Variants in SLC45A2 observed in about 807,000 individuals in gnomAD.
SLC45A2 encodes membrane-associated transporter protein.
In SLC45A2, 36 loss-of-function variants were observed where a neutral mutation model predicts 45.5. The ratio of observed to expected loss-of-function variants is 0.79; its 90% confidence interval spans 0.61 to 1.04. The LOEUF (loss-of-function observed/expected upper bound fraction) is 1.04. Ranked by LOEUF, SLC45A2 falls within the 50% of genes least tolerant of loss-of-function variation. The pLI is 0.00. For missense variants in SLC45A2, 719 were observed against 671.0 expected, an observed-to-expected ratio of 1.07 and a Z score of -0.79; for synonymous variants, 306 against 269.3, an observed-to-expected ratio of 1.14 and a Z score of -1.33.
intron 3 of SLC45A2, among the ~76,000 whole-genome samples, chr5:33,957,341 C>T (rs536559471): frequency 6.6e-6 from 1 of 152,226 alleles, no homozygotes; most frequent in Admixed American, 6.5e-5. Context: ...TTAACTGTAA[C>T]AGCATATTTT....
At chr5:33,953,067 C>T (rs1437577620) in intron 4 of SLC45A2, among the ~76,000 whole-genome samples, 2 of 124,082 alleles carry the variant, frequency 1.6e-5, no homozygotes, top group African/African-American at 6.2e-5. Flanking sequence ...TGTATATGTG[C>T]CACATTTTCT....
intron 5 of SLC45A2, among the ~76,000 whole-genome samples, chr5:33,951,073 A>C (rs1397677914): frequency 6.6e-6 from 1 of 152,174 alleles, no homozygotes; most frequent in Non-Finnish European, 1.5e-5. Context: ...AGCTGTCCCC[A>C]ATCCTGGTGT....
chr5:33,959,192 C>T (rs1752370336), intron 3 of SLC45A2, among the ~76,000 whole-genome samples: 1 of 151,958 alleles, frequency 6.6e-6, no homozygotes, highest in Non-Finnish European at 1.5e-5. Flanking sequence ...ATTTTTTCCT[C>T]TATGTTATGC....
At chr5:33,979,881 A>T (rs1753025827) in intron 2 of SLC45A2, among the ~76,000 whole-genome samples, 1 of 152,176 alleles carries the variant, frequency 6.6e-6, no homozygotes, top group Non-Finnish European at 1.5e-5. Flanking sequence ...TCTGGTTTAC[A>T]ATACTATCAT....
At chr5:33,969,387 TTTCTC>T (rs1184530301) in intron 2 of SLC45A2, among the ~76,000 whole-genome samples, 2 of 152,180 alleles carry the variant, frequency 1.3e-5, no homozygotes, top group African/African-American at 2.4e-5. Flanking sequence ...CAAAGCAACT[TTTCTC>T]TTCAAAGATG....
At chr5:33,956,110 C>T (rs1341704830) in intron 3 of SLC45A2, among the ~76,000 whole-genome samples, 1 of 152,056 alleles carries the variant, frequency 6.6e-6, no homozygotes, top group African/African-American at 2.4e-5. Flanking sequence ...AGAGGACTGA[C>T]AATTAATGGC....
At chr5:33,952,760 G>A (rs536289186) in intron 4 of SLC45A2, among the ~76,000 whole-genome samples, 2 of 127,962 alleles carry the variant, frequency 1.6e-5, no homozygotes, top group Non-Finnish European at 3.2e-5. Context: ...AGTTACATAT[G>A]TATACATGTG....
intron 3 of SLC45A2, 106 bp from the exon 4 acceptor site, chr5:33,954,610 C>T (rs1752222317): frequency 1.4e-6 from 2 of 1,472,952 alleles, no homozygotes; most frequent in African/African-American, 1.4e-5. Flanking sequence ...TCAGCCATCA[C>T]ACAAAGTGTC....
At chr5:33,963,503 G>A in intron 3 of SLC45A2, 188 bp downstream of exon 3, 1 of 651,990 alleles carries the variant, frequency 1.5e-6, no homozygotes, top group Middle Eastern at 4.2e-4. Context: ...AGAGGAAAAT[G>A]CAGACATTTT....
intron 3 of SLC45A2, among the ~76,000 whole-genome samples, chr5:33,960,719 C>T (rs939448769): frequency 6.6e-6 from 1 of 152,072 alleles, no homozygotes; most frequent in Admixed American, 6.6e-5. Flanking sequence ...AGAACTTACT[C>T]ATGTAACCAA....
At chr5:33,983,862 T>C (rs1157023482) in intron 1 of SLC45A2, among the ~76,000 whole-genome samples, 1 of 152,210 alleles carries the variant, frequency 6.6e-6, no homozygotes, top group East Asian at 1.9e-4. Flanking sequence ...GAGTATTAAA[T>C]AGAGCATAAT....
intron 1 of SLC45A2, among the ~76,000 whole-genome samples, chr5:33,983,404 ATCC>A (rs1288954364): frequency 1.3e-5 from 2 of 152,232 alleles, no homozygotes; most frequent in East Asian, 3.8e-4. Flanking sequence ...TCCTTCAGTA[ATCC>A]TCCTTAGAGT....
rs1751948207 is a variant in SLC45A2 at position 33,946,974 on chromosome 5, A to G, written c.1368+189T>C. ...AGGAGTTGAGAATAAGGAGGACAGG[A>G]CAGCTGGGCTGGGCTGGGCTGGTGA... On this transcript the variant is annotated intron_variant, in intron 6 of 6. Transcript: ENST00000296589. The G allele has an allele frequency of 3.3e-6, 5 of 1,530,908 alleles. No individual in the cohort carries two copies. In the Admixed American group the frequency reaches 9.7e-5, roughly 30 times the overall value. 94.8% of individuals were successfully genotyped at this position (1,530,908 alleles called of 1,614,324 possible). A position where few individuals can be genotyped will look rare whatever the true frequency, so the allele number is the denominator to read the frequency against.
intron 2 of SLC45A2, among the ~76,000 whole-genome samples, chr5:33,973,391 A>C (rs1027714070): frequency 2.0e-5 from 3 of 152,274 alleles, no homozygotes; most frequent in Middle Eastern, 3.4e-3. Flanking sequence ...CTGAATGAGG[A>C]GATGTGAAAG....
At chr5:33,966,968 G>T (rs1480047927) in intron 2 of SLC45A2, among the ~76,000 whole-genome samples, 1 of 152,148 alleles carries the variant, frequency 6.6e-6, no homozygotes, top group African/African-American at 2.4e-5. Context: ...TGAGAAACAA[G>T]GGTGGTGCTG....
At position 33,944,683 on chromosome 5, in the gene SLC45A2, AAC is replaced by A; in HGVS notation, c.1556_1557del (p.Cys519LeufsTer8). The A allele has an allele frequency of 1.2e-6, 2 of 1,614,214 alleles. No homozygotes were observed. Among genetic ancestry groups the A allele is most frequent in the Non-Finnish European group, 1.7e-6 (2 of 1,180,036 alleles). On this transcript the variant is annotated frameshift_variant, in exon 7 of 7. Coordinates refer to ENST00000296589, the MANE Select transcript of SLC45A2 (RefSeq NM_016180.5). LOFTEE classifies it high-confidence loss of function. ...TATCTAACAAAGAGAGCGACAAAGC[AAC>A]AGCCTATCAGTGCCACCGCAGACGC... Reference protein sequence around the residue: ...ITASAVALIGCCFVALFVRYV... With the variant: ...ITASAVALIGXCFVALFVRYV...
chr5:33,982,476 T>G, intron 1 of SLC45A2, 64 bp from the exon 2 acceptor site: 1 of 1,513,840 alleles, frequency 6.6e-7, no homozygotes. Context: ...TTTTGTAATT[T>G]CCACCTAAAC....
intron 5 of SLC45A2, 29 bp downstream of exon 5, chr5:33,951,525 A>T (rs767331758): frequency 5.1e-5 from 82 of 1,613,834 alleles, no homozygotes; most frequent in Admixed American, 6.7e-5. Flanking sequence ...AACTTTTAGA[A>T]GACATCCTTA....
At chr5:33,966,427 CTTTTTTTTTTTT>C (rs367752652) in intron 2 of SLC45A2, among the ~76,000 whole-genome samples, 3 of 95,196 alleles carry the variant, frequency 3.2e-5, no homozygotes, top group African/African-American at 8.9e-5. Context: ...AAGCTACTTT[CTTTTTTTTTTTT>C]TTTTTTTTTT....
Sources: gnomAD v4.1 joint callset for allele counts (sites outside exome capture counted in the v4.1 genomes callset) on GRCh38, gnomAD v4.1.1 for gene constraint, MANE v1.5 for transcripts, NCBI Gene and HGNC (gene_info 2026-07-23, HGNC 2026-07-21) for gene names.